The following KCNK17 variants were observed in gnomAD, a reference collection of about 807,000 sequenced individuals.
The protein encoded by KCNK17 is potassium channel subfamily K member 17.
Under a neutral mutation model 24.6 loss-of-function variants are expected in KCNK17, and 27 were observed. That is an observed-to-expected ratio of 1.10 (90% CI 0.81 to 1.51). The LOEUF (loss-of-function observed/expected upper bound fraction) is 1.51. KCNK17 is among the 40% of genes most tolerant of loss of function. The pLI, the probability that KCNK17 is intolerant of heterozygous loss-of-function variation, is 0.00. For synonymous variants in KCNK17, 181 were observed against 189.8 expected, an observed-to-expected ratio of 0.95 and a Z score of 0.38; for missense variants, 450 against 436.6, an observed-to-expected ratio of 1.03 and a Z score of -0.27.
rs559262761 is a variant in KCNK17 at position 39,314,286 on chromosome 6, C to T, written c.35G>A (p.Gly12Asp). The T allele has an allele frequency of 1.9e-4, 276 of 1,473,310 alleles. 2 individuals carry two copies. In the South Asian group the frequency reaches 3.4e-3, roughly 18 times the overall value. 91.3% of individuals were successfully genotyped at this position (1,473,310 alleles called of 1,614,324 possible). The change falls in exon 1 of 5, where the codon GGC becomes GAC. Residue 12 changes from glycine to aspartate, a missense_variant. Physicochemically the swap from Gly to Asp is moderately conservative, Grantham distance 94. Transcript: ENST00000373231. Reference protein sequence around the residue: ...YRPRARAAPEGRVRGCAVPST... With the variant: ...YRPRARAAPEDRVRGCAVPST... ...GGGCACCGCGCAGCCCCGGACCCTG[C>T]CCTCGGGAGCCGCCCGGGCTCGCGG... is the stretch of plus-strand genomic sequence containing the variant.
chr6:39,308,618 G>A (rs1162653634), intron 2 of KCNK17, among the ~76,000 whole-genome samples: 1 of 152,214 alleles, frequency 6.6e-6, no homozygotes, highest in Non-Finnish European at 1.5e-5. Flanking sequence ...ACAAATGGAT[G>A]GATGAATGAA....
chr6:39,311,043 G>T, intron 1 of KCNK17, 36 bp from the exon 2 acceptor site: 1 of 1,344,808 alleles, frequency 7.4e-7, no homozygotes, highest in South Asian at 1.2e-5. Context: ...CAGGCTCTGT[G>T]GGGTGATGGA....
At chr6:39,305,498 G>C (rs1480904385) in intron 2 of KCNK17, among the ~76,000 whole-genome samples, 3 of 152,186 alleles carry the variant, frequency 2.0e-5, no homozygotes, top group African/African-American at 4.8e-5. Context: ...TAGAAGTTGG[G>C]GGGGTGGTCT....
chr6:39,308,588 G>A (rs1217781593), intron 2 of KCNK17, among the ~76,000 whole-genome samples: 1 of 152,236 alleles, frequency 6.6e-6, no homozygotes, highest in African/African-American at 2.4e-5. Context: ...ACCATGCCCA[G>A]CCTTCAATTT....
rs1761991702 is a variant in KCNK17 at position 39,304,075 on chromosome 6, C to T, written c.570G>A (p.Leu190=). ...AGSGALLSGL[L]LFLLLPPLLF... is the part of the protein sequence containing the mutation. ...GCAGCGGTGGCAGCAGCAGGAAGAG[C>T]AGGAGGCCCGAGAGGAGGGCGCCAG... is the stretch of plus-strand genomic sequence containing the variant. The change falls in exon 4 of 5, where the codon CTG becomes CTA. Residue 190 remains leucine, a synonymous_variant. Transcript: ENST00000373231. The T allele has an allele frequency of 6.2e-7, 1 of 1,612,958 alleles. No individual in the cohort carries two copies. Among genetic ancestry groups the T allele is most frequent in the Non-Finnish European group, 8.5e-7 (1 of 1,179,988 alleles).
intron 4 of KCNK17, chr6:39,300,267 C>T (rs967072117): frequency 8.6e-5 from 48 of 557,948 alleles, no homozygotes; most frequent in Middle Eastern, 5.0e-4. Context: ...GGACTACAGG[C>T]GCCTGCCGCC....
chr6:39,303,132 G>A (rs1761971577), intron 4 of KCNK17, among the ~76,000 whole-genome samples: 1 of 152,250 alleles, frequency 6.6e-6, no homozygotes, highest in Non-Finnish European at 1.5e-5. Context: ...TGCCTGAGGA[G>A]TTAGCTGAAA....
chr6:39,311,107 CA>C, intron 1 of KCNK17, 100 bp from the exon 2 acceptor site: 1 of 576,468 alleles, frequency 1.7e-6, no homozygotes, highest in Non-Finnish European at 3.0e-6. Context: ...CACACACACA[CA>C]CACACACACA....
chr6:39,313,930 C>T (rs1283657698), intron 1 of KCNK17, among the ~76,000 whole-genome samples, 154 bp downstream of exon 1: 2 of 152,226 alleles, frequency 1.3e-5, no homozygotes, highest in Admixed American at 1.3e-4. Context: ...CAGGAACGCC[C>T]ACCCCCGTTG....
intron 2 of KCNK17, 101 bp downstream of exon 2, chr6:39,310,792 G>A: frequency 1.4e-6 from 1 of 727,390 alleles, no homozygotes. Flanking sequence ...TTGGAGTCAT[G>A]AGACTCCAGG....
intron 1 of KCNK17, among the ~76,000 whole-genome samples, chr6:39,312,602 C>A (rs1762159585): frequency 6.6e-6 from 1 of 152,144 alleles, no homozygotes; most frequent in Non-Finnish European, 1.5e-5. Context: ...GAGGGTGAAA[C>A]AGGATGATAA....
Position 39,314,292 on chromosome 6 carries a change from G to A in KCNK17, c.29C>T (p.Pro10Leu). 1 of 1,467,286 alleles carries A rather than the reference G, an allele frequency of 6.8e-7. No homozygotes were observed. The allele number at this position is 1,467,286 out of a possible 1,614,324, so 90.9% of individuals were successfully genotyped here. A position where few individuals can be genotyped will look rare whatever the true frequency, so the allele number is the denominator to read the frequency against. ...CGCGCAGCCCCGGACCCTGCCCTCG[G>A]GAGCCGCCCGGGCTCGCGGTCGGTA... The part of the protein sequence containing the change: MYRPRARAA[P>L]EGRVRGCAVP... The change falls in exon 1 of 5, where the codon CCC (proline) becomes CTC (leucine). Residue 10 changes from proline (P) to leucine (L), a missense_variant. Physicochemically the swap from Pro to Leu is moderately conservative, Grantham distance 98. Transcript: ENST00000373231.
rs762854631 is a variant in KCNK17, at chr6:39,304,609, G to A, written c.399C>T (p.Cys133=). The A allele has an allele frequency of 5.0e-6, 8 of 1,613,994 alleles. No homozygotes were observed. Among genetic ancestry groups the A allele is most frequent in the Non-Finnish European group, 6.8e-6 (8 of 1,179,870 alleles). Residue 133 remains cysteine, a synonymous_variant, in exon 3 of 5, where the codon TGC becomes TGT. Coordinates refer to ENST00000373231, the MANE Select transcript of KCNK17 (RefSeq NM_031460.4). ...SPNTMAARLF[C]IFFALVGIPL... is the part of the protein sequence containing the mutation. Reference sequence around the variant, plus strand: ...GGATCCCCACAAGGGCAAAGAAGATGCAGAAGAGGCGGGCAGCCATCGTGT... The same window carrying A: ...GGATCCCCACAAGGGCAAAGAAGATACAGAAGAGGCGGGCAGCCATCGTGT...
intron 4 of KCNK17, among the ~76,000 whole-genome samples, chr6:39,300,088 G>A (rs772114884): frequency 1.1e-4 from 17 of 152,240 alleles, no homozygotes; most frequent in Admixed American, 8.5e-4. Flanking sequence ...TACTGGATCA[G>A]AAACTCTGGG....
intron 2 of KCNK17, among the ~76,000 whole-genome samples, chr6:39,306,981 C>T (rs1453750493): frequency 2.6e-5 from 4 of 152,106 alleles, no homozygotes; most frequent in Non-Finnish European, 5.9e-5. Flanking sequence ...CCAGGATGGT[C>T]TCAATCTCCT....
chr6:39,309,885 G>A (rs980607120), intron 2 of KCNK17, among the ~76,000 whole-genome samples: 3 of 152,234 alleles, frequency 2.0e-5, no homozygotes, highest in Admixed American at 6.5e-5. Flanking sequence ...GGCCGCTGGA[G>A]TCTGAGATGC....
At chr6:39,310,235 C>G (rs1762109099) in intron 2 of KCNK17, among the ~76,000 whole-genome samples, 1 of 152,156 alleles carries the variant, frequency 6.6e-6, no homozygotes, top group African/African-American at 2.4e-5. Flanking sequence ...CTTCTTTGCA[C>G]AGCAGCCCCT....
In KCNK17 at chr6:39,308,108, C is replaced by T. The variant is rs907234812; in HGVS notation, c.352+2785G>A. On this transcript the variant is annotated intron_variant, in intron 2 of 4. Transcript: ENST00000373231. ...CTAGCTTTACTTTTCTCTAAGCACA[C>T]CCCACTACCTGATTATTGTCCATGT... 2.6e-5 allele frequency among the ~76,000 whole-genome samples: 4 copies of T among 152,308 alleles called. No homozygotes were observed. The South Asian group carries it at 8.3e-4, about 32-fold the overall frequency.
intron 4 of KCNK17, chr6:39,300,613 C>A: frequency 7.5e-7 from 1 of 1,324,928 alleles, no homozygotes; most frequent in Non-Finnish European, 1.1e-6. Flanking sequence ...ACCTCCTTCA[C>A]CTGTGAGATG....
Sources: gnomAD v4.1 joint callset for allele counts (sites outside exome capture counted in the v4.1 genomes callset) on GRCh38, gnomAD v4.1.1 for gene constraint, MANE v1.5 for transcripts, NCBI Gene and HGNC (gene_info 2026-07-23, HGNC 2026-07-21) for gene names.